The following GBP6 variants were observed in gnomAD, a reference collection of about 807,000 sequenced individuals.
The protein encoded by GBP6 is guanylate-binding protein 6.
In GBP6, 54 loss-of-function variants were observed where a neutral mutation model predicts 61.5. The observed-to-expected ratio is 0.88, with a 90% CI of 0.71 to 1.10. The LOEUF (loss-of-function observed/expected upper bound fraction) is 1.10, where lower values mean the gene tolerates loss of function less well. Ranked by LOEUF, GBP6 falls within the 50% of genes least tolerant of loss-of-function variation. GBP6 has a pLI of 0.00. For synonymous variants in GBP6, 255 were observed against 273.7 expected (o/e 0.93, Z 0.67); for missense variants, 748 against 752.8 (o/e 0.99, Z 0.07).
chr1:89,375,476 C>A (rs537512329), intron 3 of GBP6, among the ~76,000 whole-genome samples: 6 of 152,282 alleles, frequency 3.9e-5, no homozygotes, highest in African/African-American at 1.4e-4. Context: ...AAAGACAGAA[C>A]TACCATTCAA....
intron 3 of GBP6, among the ~76,000 whole-genome samples, chr1:89,372,599 C>G (rs1466804825): frequency 2.0e-5 from 3 of 152,084 alleles, no homozygotes; most frequent in Non-Finnish European, 2.9e-5. Context: ...GCTGGGAAAA[C>G]TGGCTAGCCA....
At chr1:89,366,576 T>C (rs1369354456) in intron 1 of GBP6, among the ~76,000 whole-genome samples, 1 of 152,188 alleles carries the variant, frequency 6.6e-6, no homozygotes, top group African/African-American at 2.4e-5. Flanking sequence ...AAAAACCTTA[T>C]AGCATAACCA....
At chr1:89,374,852 G>A (rs1652761535) in intron 3 of GBP6, among the ~76,000 whole-genome samples, 1 of 152,002 alleles carries the variant, frequency 6.6e-6, no homozygotes, top group South Asian at 2.1e-4. Context: ...TGGTTGTACA[G>A]GTTATTTTAT....
At chr1:89,377,800 G>T (rs1363008826) in intron 3 of GBP6, among the ~76,000 whole-genome samples, 2 of 152,186 alleles carry the variant, frequency 1.3e-5, no homozygotes, top group African/African-American at 4.8e-5. Flanking sequence ...GACTGAAGAA[G>T]TGTTAACACT....
chr1:89,383,576 ATAATTGTTCT>A, intron 8 of GBP6, 66 bp from the exon 9 acceptor site: 1 of 1,073,842 alleles, frequency 9.3e-7, no homozygotes, highest in Non-Finnish European at 1.4e-6. Context: ...TTACAAGACC[ATAATTGTTCT>A]TGCAACACTA....
chr1:89,378,358 T>G, intron 4 of GBP6, 59 bp from the exon 5 acceptor site: 1 of 1,560,572 alleles, frequency 6.4e-7, no homozygotes, highest in Non-Finnish European at 8.7e-7. Flanking sequence ...TATAATATTT[T>G]TATAAAAGAA....
In GBP6 at chr1:89,376,950, C is replaced by T. The variant is rs151296931; in HGVS notation, c.319-1153C>T. Among the ~76,000 whole-genome samples the T allele has an allele frequency of 3.9e-5, 6 of 152,054 alleles. No homozygotes were observed. The East Asian group carries it at 1.2e-3, about 29-fold the overall frequency. ...AATAGTTTATTGTTTGTCACGAGTCCCACTTCTAAGAAGAATCCTCATTGA... is the reference window on the plus strand; with the variant it reads ...AATAGTTTATTGTTTGTCACGAGTCTCACTTCTAAGAAGAATCCTCATTGA... On this transcript the variant is annotated intron_variant, in intron 3 of 10. Transcript: ENST00000370456.
rs116036340 is a variant in GBP6 at position 89,369,564 on chromosome 1, C to T, written c.209C>T (p.Thr70Met). The change falls in exon 3 of 11, where the codon ACG (threonine) becomes ATG (methionine). Residue 70 changes from threonine (T) to methionine (M), a missense_variant. Transcript: ENST00000370456. Reference protein sequence around the residue: ...GQNHGFPLGSTVQSETKGIWM... With the variant: ...GQNHGFPLGSMVQSETKGIWM... ...CCTGCAGGCTTCCCTCTGGGCTCCA[C>T]GGTGCAGTCTGAAACCAAGGGCATC... is the stretch of plus-strand genomic sequence containing the variant. 55 of 1,613,880 alleles carry T rather than the reference C, an allele frequency of 3.4e-5. No individual in the cohort carries two copies. Among genetic ancestry groups the T allele is most frequent in the Middle Eastern group, 1.6e-4 (1 of 6,062 alleles).
At chr1:89,384,392 T>C in intron 10 of GBP6, 106 bp downstream of exon 10, 1 of 859,962 alleles carries the variant, frequency 1.2e-6, no homozygotes, top group Non-Finnish European at 1.8e-6. Flanking sequence ...ACATCACCAT[T>C]TGCTGCTTGG....
chr1:89,383,844 A>C, intron 9 of GBP6, 90 bp downstream of exon 9: 1 of 1,030,110 alleles, frequency 9.7e-7, no homozygotes, highest in South Asian at 1.5e-5. Flanking sequence ...CAAAATGAGG[A>C]ATTTCCTCTT....
Position 89,364,092 on chromosome 1 carries a change from G to A in GBP6, c.-59G>A, listed in dbSNP as rs1469935932. The A allele has an allele frequency of 6.6e-6, 1 of 152,228 alleles. No homozygotes were observed. Among genetic ancestry groups the A allele is most frequent in the Non-Finnish European group, 1.5e-5 (1 of 68,050 alleles). The allele number at this position is 152,228 out of a possible 1,614,324, so 9.4% of individuals were successfully genotyped here. ...AAAACAAGAGGTGAGTGAGGCAACT[G>A]AAAACTGTTCTTGGACCTGCGGTGC... is the stretch of plus-strand genomic sequence containing the variant. On this transcript the variant is annotated 5_prime_UTR_variant, in exon 1 of 11. Transcript: ENST00000370456.
intron 3 of GBP6, among the ~76,000 whole-genome samples, chr1:89,369,902 G>T (rs967230103): frequency 1.3e-5 from 2 of 152,178 alleles, no homozygotes; most frequent in East Asian, 3.8e-4. Flanking sequence ...TTGATAAAAG[G>T]TTGTTAAGCA....
At chr1:89,374,786 G>A (rs1032036699) in intron 3 of GBP6, among the ~76,000 whole-genome samples, 5 of 151,966 alleles carry the variant, frequency 3.3e-5, no homozygotes, top group South Asian at 2.1e-4. Context: ...TAACTTCAGC[G>A]GTACATGTGC....
In GBP6 at chr1:89,380,478, A is replaced by G. The variant is rs754071669; in HGVS notation, c.718A>G (p.Thr240Ala). Reference protein sequence around the residue: ...KRKCFVFDRPTNDKDLLANIE... With the variant: ...KRKCFVFDRPANDKDLLANIE... ...GAAGTGTTTCGTCTTTGACCGGCCA[A>G]CAAATGACAAAGACCTTCTAGCCAA... Residue 240 changes from threonine (T) to alanine (A), a missense_variant, in exon 6 of 11, where the codon ACA becomes GCA. Physicochemically the swap from Thr to Ala is moderately conservative, Grantham distance 58. Transcript: ENST00000370456. 1.9e-6 allele frequency: 3 copies of G among 1,614,182 alleles called. No individual in the cohort carries two copies. The highest frequency in any genetic ancestry group is 2.2e-5 in the South Asian group (2 of 91,074).
intron 3 of GBP6, 87 bp downstream of exon 3, chr1:89,369,760 A>C: frequency 6.8e-7 from 1 of 1,462,670 alleles, no homozygotes; most frequent in Non-Finnish European, 9.1e-7. Flanking sequence ...TGCAAACTAG[A>C]AATCCAACTA....
At position 89,381,702 on chromosome 1, in the gene GBP6, A is replaced by G. The variant is rs201481907; in HGVS notation, c.880A>G (p.Thr294Ala). 1.9e-5 allele frequency: 30 copies of G among 1,601,714 alleles called. 1 individual carries two copies. The Admixed American group carries it at 4.1e-4, about 22-fold the overall frequency. Residue 294 changes from threonine (T) to alanine (A), a missense_variant, in exon 7 of 11, where the codon ACT (threonine) becomes GCT (alanine). Thr to Ala is a moderately conservative substitution (Grantham distance 58). Transcript: ENST00000370456. The part of the protein sequence containing the change: ...GITVTGNRLG[T>A]LAVTYVEAIN... ...TCTCCTGGTTCATTTAGGTCTGGGA[A>G]CTCTGGCAGTGACTTATGTAGAGGC...
At chr1:89,374,113 C>A (rs938439198) in intron 3 of GBP6, among the ~76,000 whole-genome samples, 2 of 152,116 alleles carry the variant, frequency 1.3e-5, no homozygotes, top group African/African-American at 4.8e-5. Flanking sequence ...CTTCCCCTTC[C>A]ACCATGATTG....
chr1:89,366,449 T>C (rs115998617), intron 1 of GBP6, among the ~76,000 whole-genome samples: 2,084 of 152,182 alleles, frequency 0.014, 45 homozygotes, highest in African/African-American at 0.044. Flanking sequence ...TCCCTTCTAT[T>C]CCCATCACTC....
chr1:89,368,381 G>A, intron 1 of GBP6, 148 bp from the exon 2 acceptor site: 1 of 561,268 alleles, frequency 1.8e-6, no homozygotes, highest in Non-Finnish European at 3.2e-6. Context: ...AGACTTGGGA[G>A]AGTGATAAAA....
Sources: gnomAD v4.1 joint callset for allele counts (sites outside exome capture counted in the v4.1 genomes callset) on GRCh38, gnomAD v4.1.1 for gene constraint, MANE v1.5 for transcripts, NCBI Gene and HGNC (gene_info 2026-07-23, HGNC 2026-07-21) for gene names.